CCSER1: variants seen among roughly 807,000 people sequenced by gnomAD.
CCSER1 encodes the protein coiled-coil serine rich protein 1, also known as serine-rich coiled-coil domain-containing protein 1.
CCSER1 carries 41 observed loss-of-function variants against 82.0 expected under a neutral mutation model. That is an observed-to-expected ratio of 0.50 (90% confidence interval 0.39 to 0.65). The LOEUF (loss-of-function observed/expected upper bound fraction) is 0.65, where lower values mean the gene tolerates loss of function less well. CCSER1 is among the 30% of genes least tolerant of loss of function. The probability of loss-of-function intolerance (pLI) is 0.00; values close to 1 mark genes in which losing one functional copy is unlikely to be tolerated. For missense variants in CCSER1, 1,119 were observed against 1,064.2 expected (o/e 1.05, Z -0.72); for synonymous variants, 414 against 383.9 (o/e 1.08, Z -0.92).
At chr4:90,165,472 C>A (rs1195369896) in intron 1 of CCSER1, among the ~76,000 whole-genome samples, 1 of 151,930 alleles carries the variant, frequency 6.6e-6, no homozygotes, top group South Asian at 2.1e-4. Context: ...AGAATTAAAC[C>A]ATCTTGGAAA....
chr4:91,293,027 T>G (rs1355062380), intron 10 of CCSER1, among the ~76,000 whole-genome samples: 1 of 152,006 alleles, frequency 6.6e-6, no homozygotes, highest in Non-Finnish European at 1.5e-5. Flanking sequence ...ACATTGAATT[T>G]TAGACATCTT....
chr4:91,269,314 G>A (rs2149179359), intron 10 of CCSER1, among the ~76,000 whole-genome samples: 1 of 152,264 alleles, frequency 6.6e-6, no homozygotes, highest in South Asian at 2.1e-4. Context: ...TCTTGTATAA[G>A]TACCTAAAAT....
intron 10 of CCSER1, among the ~76,000 whole-genome samples, chr4:91,254,623 A>G (rs1366685221): frequency 6.6e-6 from 1 of 152,116 alleles, no homozygotes; most frequent in Non-Finnish European, 1.5e-5. Context: ...GATGGGGGCA[A>G]TAGTTGTACA....
rs771620773 is a variant in CCSER1 at position 90,347,425 on chromosome 4, A to G, written c.1509+34378A>G. ...GACTATCTCTTGGATTACAGTGGCT[A>G]TCTCTGGTTTCACTTTTGGCAGGTG... On this transcript the variant is annotated intron_variant, in intron 3 of 10. Coordinates refer to ENST00000509176, the MANE Select transcript of CCSER1 (RefSeq NM_001145065.2). 3.3e-5 allele frequency among the ~76,000 whole-genome samples: 5 copies of G among 152,198 alleles called. No individual in the cohort carries two copies. The South Asian group carries it at 6.2e-4, about 19-fold the overall frequency.
At chr4:91,050,687 G>A (rs1459516317) in intron 9 of CCSER1, among the ~76,000 whole-genome samples, 2 of 152,106 alleles carry the variant, frequency 1.3e-5, no homozygotes, top group African/African-American at 4.8e-5. Context: ...TGCTTCCTTT[G>A]GAAGGAAGCC....
chr4:90,839,040 T>C (rs1202968480), intron 8 of CCSER1: 1 of 1,612,322 alleles, frequency 6.2e-7, no homozygotes, highest in Non-Finnish European at 8.5e-7. Context: ...TCAGACATGG[T>C]TGCGGAGGAA....
At chr4:91,333,096 G>T (rs985189168) in intron 10 of CCSER1, among the ~76,000 whole-genome samples, 1 of 151,730 alleles carries the variant, frequency 6.6e-6, no homozygotes, top group Non-Finnish European at 1.5e-5. Context: ...GGCAATCTTC[G>T]CGAAACATCT....
intron 1 of CCSER1, among the ~76,000 whole-genome samples, chr4:90,267,797 G>A (rs1476618560): frequency 6.6e-6 from 1 of 152,222 alleles, no homozygotes; most frequent in South Asian, 2.1e-4. Context: ...CCCTAATGCA[G>A]ATATGGCTTC....
intron 10 of CCSER1, among the ~76,000 whole-genome samples, chr4:91,541,742 C>A (rs1366688703): frequency 2.0e-5 from 3 of 152,094 alleles, no homozygotes; most frequent in Non-Finnish European, 4.4e-5. Context: ...GGTATATACC[C>A]CGTGATGGGA....
intron 10 of CCSER1, among the ~76,000 whole-genome samples, chr4:91,153,188 T>C (rs1464938904): frequency 6.6e-6 from 1 of 152,024 alleles, no homozygotes; most frequent in Non-Finnish European, 1.5e-5. Context: ...GTCCCATATT[T>C]CTTAGAGGCT....
intron 8 of CCSER1, among the ~76,000 whole-genome samples, chr4:90,858,627 A>G (rs948518355): frequency 4.6e-5 from 7 of 151,928 alleles, no homozygotes; most frequent in Non-Finnish European, 8.8e-5. Flanking sequence ...TTCCACTTCA[A>G]AGTGGTGTCT....
At chr4:91,029,992 A>G (rs141569486) in intron 9 of CCSER1, among the ~76,000 whole-genome samples, 59 of 133,980 alleles carry the variant, frequency 4.4e-4, no homozygotes, top group Middle Eastern at 4.0e-3. Context: ...TTTGAACTTG[A>G]TATTTCTTAT....
chr4:91,540,713 CTT>C (rs1462608284), intron 10 of CCSER1, among the ~76,000 whole-genome samples: 1 of 152,062 alleles, frequency 6.6e-6, no homozygotes, highest in Admixed American at 6.6e-5. Flanking sequence ...TTTGAGTTGA[CTT>C]TTGTGAAGGA....
At chr4:90,924,226 A>G (rs928374073) in intron 9 of CCSER1, among the ~76,000 whole-genome samples, 10 of 152,284 alleles carry the variant, frequency 6.6e-5, no homozygotes, top group Middle Eastern at 3.4e-3. Flanking sequence ...TTTGCTGATA[A>G]GTAGAAATAA....
chr4:91,366,488 A>G (rs1052161304), intron 10 of CCSER1, among the ~76,000 whole-genome samples: 13 of 152,208 alleles, frequency 8.5e-5, no homozygotes, highest in Non-Finnish European at 1.8e-4. Flanking sequence ...ATATCATCAA[A>G]TATTCCATCA....
Position 91,403,309 on chromosome 4 carries a change from G to A in CCSER1, c.2218-195263G>A, listed in dbSNP as rs186144502. On this transcript the variant is annotated intron_variant, in intron 10 of 10. Coordinates refer to ENST00000509176, the MANE Select transcript of CCSER1 (RefSeq NM_001145065.2). ...GGAGATTTTGGGCTGAGATGATGGG[G>A]TTTTCTAAATATACAATCTTGTCAT... is the stretch of plus-strand genomic sequence containing the variant. Among the ~76,000 whole-genome samples, 34 of 152,244 alleles carry A rather than the reference G, an allele frequency of 2.2e-4. No homozygotes were observed. The East Asian group carries it at 4.2e-3, about 19-fold the overall frequency.
At chr4:90,423,894 G>A (rs1302247053) in intron 4 of CCSER1, among the ~76,000 whole-genome samples, 1 of 151,692 alleles carries the variant, frequency 6.6e-6, no homozygotes, top group African/African-American at 2.4e-5. Flanking sequence ...ACCGGGTCAG[G>A]AGATCGAAAC....
chr4:90,957,924 C>T lies in CCSER1; in HGVS notation c.2172+34477C>T, dbSNP rs903555265. Among the ~76,000 whole-genome samples, 5 of 151,504 alleles carry T rather than the reference C, an allele frequency of 3.3e-5. No homozygotes were observed. In the Admixed American group the frequency reaches 3.3e-4, roughly 10 times the overall value. On this transcript the variant is annotated intron_variant, in intron 9 of 10. Transcript: ENST00000509176. Reference sequence around the variant, plus strand: ...ATAACATCCTAATTCAAACTTACACCTGCAGCAAGCTTGAAAAGGCATATT... The same window carrying T: ...ATAACATCCTAATTCAAACTTACACTTGCAGCAAGCTTGAAAAGGCATATT...
At chr4:91,166,582 G>A (rs567197468) in intron 10 of CCSER1, among the ~76,000 whole-genome samples, 2 of 152,286 alleles carry the variant, frequency 1.3e-5, no homozygotes, top group South Asian at 4.1e-4. Context: ...AAACTTAATT[G>A]AGCATTCTGA....
Sources: allele counts gnomAD v4.1 joint callset (sites outside exome capture counted in the v4.1 genomes callset), GRCh38; gene constraint gnomAD v4.1.1; transcripts MANE v1.5; gene names NCBI Gene and HGNC (gene_info 2026-07-23, HGNC 2026-07-21).